VCF1: variants seen among roughly 807,000 people sequenced by gnomAD.
VCF1 encodes the protein VCP nuclear cofactor family member 1.
the VCF1 span, chr17:73,208,023 A>C: frequency 2.3e-6 from 3 of 1,326,198 alleles, no homozygotes; most frequent in Non-Finnish European, 1.9e-6. Context: ...CACTGCAGTG[A>C]TCTTTCAGTT....
the VCF1 span, chr17:73,227,512 CA>C: frequency 7.1e-6 from 5 of 699,728 alleles, no homozygotes; most frequent in Non-Finnish European, 9.4e-6. Flanking sequence ...AGAAGCTTAA[CA>C]ATTTTAAATG....
At chr17:73,222,632 C>A in the VCF1 span, among the ~76,000 whole-genome samples, 1 of 151,968 alleles carries the variant, frequency 6.6e-6, no homozygotes, top group Admixed American at 6.6e-5. Flanking sequence ...CAAAAATTTG[C>A]TGGGCGAGCT....
chr17:73,217,183 CA>C, the VCF1 span, among the ~76,000 whole-genome samples: 1 of 151,054 alleles, frequency 6.6e-6, no homozygotes. Context: ...TACAAAAAAC[CA>C]AAACAAAACA....
chr17:73,231,199 T>C, the VCF1 span, among the ~76,000 whole-genome samples: 4 of 152,198 alleles, frequency 2.6e-5, no homozygotes, highest in Admixed American at 1.3e-4. Flanking sequence ...CAGAATACTT[T>C]TGAGAACTTC....
At chr17:73,217,668 T>C in the VCF1 span, among the ~76,000 whole-genome samples, 1 of 148,888 alleles carries the variant, frequency 6.7e-6, no homozygotes, top group East Asian at 2.0e-4. Flanking sequence ...AAATAAAAAA[T>C]AAAGGCCAGG....
At chr17:73,224,865 C>CACAGGACAGG in the VCF1 span, among the ~76,000 whole-genome samples, 5 of 128,674 alleles carry the variant, frequency 3.9e-5, no homozygotes, top group South Asian at 2.5e-4. Flanking sequence ...GACAGGACAG[C>CACAGGACAGG]ACAGGACAGG....
At chr17:73,207,484 G>A in the VCF1 span, 2 of 649,222 alleles carry the variant, frequency 3.1e-6, no homozygotes, top group Non-Finnish European at 5.4e-6. Flanking sequence ...TAATAGAAAT[G>A]TAGAAAATAT....
At chr17:73,208,424 T>C in the VCF1 span, 1 of 1,614,220 alleles carries the variant, frequency 6.2e-7, no homozygotes, top group East Asian at 2.2e-5. Context: ...TATTCAAACT[T>C]GGCTGGCTCT....
At chr17:73,214,920 A>C in the VCF1 span, among the ~76,000 whole-genome samples, 1 of 152,224 alleles carries the variant, frequency 6.6e-6, no homozygotes, top group African/African-American at 2.4e-5. Context: ...AGTTTAACCA[A>C]ATCAACGGTT....
the VCF1 span, chr17:73,207,595 T>A: frequency 1.1e-6 from 1 of 900,194 alleles, no homozygotes; most frequent in South Asian, 1.4e-5. Context: ...ATCTGTTTTG[T>A]TCTGGTGATG....
chr17:73,224,930 G>GC, the VCF1 span, among the ~76,000 whole-genome samples: 864 of 85,780 alleles, frequency 0.01, 8 homozygotes, highest in Non-Finnish European at 0.019. Context: ...GACAGGACAG[G>GC]ACAGCACAGC....
At chr17:73,231,537 C>G in the VCF1 span, among the ~76,000 whole-genome samples, 1 of 152,202 alleles carries the variant, frequency 6.6e-6, no homozygotes, top group African/African-American at 2.4e-5. Flanking sequence ...CTTAATGCCA[C>G]AGTCAAGAGA....
chr17:73,212,086 A>G, the VCF1 span, among the ~76,000 whole-genome samples: 1 of 152,230 alleles, frequency 6.6e-6, no homozygotes, highest in African/African-American at 2.4e-5. Flanking sequence ...ATTAGGATGG[A>G]AAGATTATAG....
At chr17:73,219,807 T>C in the VCF1 span, among the ~76,000 whole-genome samples, 77,631 of 151,264 alleles carry the variant, frequency 0.51, 20,016 homozygotes, top group East Asian at 0.6. Context: ...AACCTGTCTC[T>C]ACAAAAAGAA....
At chr17:73,218,814 T>C in the VCF1 span, among the ~76,000 whole-genome samples, 62 of 152,056 alleles carry the variant, frequency 4.1e-4, no homozygotes, top group Middle Eastern at 3.4e-3. Flanking sequence ...GGTCAGGAGA[T>C]AGAGACCATC....
the VCF1 span, among the ~76,000 whole-genome samples, chr17:73,226,713 G>T: frequency 6.6e-6 from 1 of 152,090 alleles, no homozygotes; most frequent in African/African-American, 2.4e-5. Context: ...ACAAGATAAT[G>T]AAAAGTAAAA....
chr17:73,224,335 C>G, the VCF1 span, among the ~76,000 whole-genome samples: 283 of 148,894 alleles, frequency 1.9e-3, 1 homozygote, highest in African/African-American at 6.4e-3. Context: ...GTTCCAGCTA[C>G]TTGGGAGGCT....
chr17:73,210,877 A>G, the VCF1 span, among the ~76,000 whole-genome samples: 1 of 151,826 alleles, frequency 6.6e-6, no homozygotes, highest in Non-Finnish European at 1.5e-5. Context: ...CAGGCAGGAA[A>G]GATTACAGGC....
the VCF1 span, among the ~76,000 whole-genome samples, chr17:73,211,879 A>C: frequency 6.6e-6 from 1 of 152,108 alleles, no homozygotes; most frequent in Non-Finnish European, 1.5e-5. Context: ...CAAAACAAAA[A>C]AATTATCTGG....
Sources: gnomAD v4.1 joint callset for allele counts (sites outside exome capture counted in the v4.1 genomes callset) on GRCh38, gnomAD v4.1.1 for gene constraint, MANE v1.5 for transcripts, NCBI Gene and HGNC (gene_info 2026-07-23, HGNC 2026-07-21) for gene names.